The following MFAP4 variants were observed in gnomAD, a reference collection of about 807,000 sequenced individuals.
MFAP4 encodes microfibril associated protein 4.
MFAP4 carries 20 observed loss-of-function variants against 32.4 expected under a neutral mutation model. The ratio of observed to expected loss-of-function variants is 0.62; its 90% CI spans 0.43 to 0.90. The LOEUF (loss-of-function observed/expected upper bound fraction) is 0.90, where lower values mean the gene tolerates loss of function less well. MFAP4 is among the 40% of genes least tolerant of loss of function. The pLI is 0.00. For synonymous variants in MFAP4, 146 were observed against 137.4 expected, an observed-to-expected ratio of 1.06 and a Z score of -0.44; for missense variants, 267 against 329.5, an observed-to-expected ratio of 0.81 and a Z score of 1.47.
intron 3 of MFAP4, among the ~76,000 whole-genome samples, chr17:19,386,015 A>T (rs1361689393): frequency 6.6e-6 from 1 of 152,196 alleles, no homozygotes; most frequent in Non-Finnish European, 1.5e-5. Flanking sequence ...GCTACTCGGG[A>T]GCCTGAGGCA....
rs994482683 is a variant in MFAP4 at position 19,384,230 on chromosome 17, G to A, written c.*232C>T. ...TAGAACCATGTGCCTCTCGGAAGAG[G>A]CCTGGGGAACTGCTGGCAGTGTAAC... is the stretch of plus-strand genomic sequence containing the variant. On this transcript the variant is annotated 3_prime_UTR_variant, in exon 6 of 6. Transcript: ENST00000299610. 22 of 549,110 alleles carry A rather than the reference G, an allele frequency of 4.0e-5. No individual in the cohort carries two copies. The highest frequency in any genetic ancestry group is 4.0e-4 in the African/African-American group (21 of 52,780). The allele number at this position is 549,110 out of a possible 1,614,324, so 34.0% of individuals were successfully genotyped here. A position where few individuals can be genotyped will look rare whatever the true frequency, so the allele number is the denominator to read the frequency against.
Position 19,386,827 on chromosome 17 carries a change from G to A in MFAP4, c.18C>T (p.Ala6=), listed in dbSNP as rs372638718. 54 of 1,563,192 alleles carry A rather than the reference G, an allele frequency of 3.5e-5. No homozygotes were observed. The African/African-American group carries it at 6.4e-4, about 18-fold the overall frequency. Residue 6 remains alanine (A), a synonymous_variant, in exon 2 of 6, where the codon GCC becomes GCT. Transcript: ENST00000299610. Reference sequence around the variant, plus strand: ...TGGAGAGAAGCAGCAGCAGCGGCAGGGCCAGGAGTGCCTGGCGATGGGCAG... The same window carrying A: ...TGGAGAGAAGCAGCAGCAGCGGCAGAGCCAGGAGTGCCTGGCGATGGGCAG... The part of the protein sequence containing the change: MKALL[A]LPLLLLLSTP...
At position 19,385,134 on chromosome 17, in the gene MFAP4, G is replaced by A. The variant is rs756249125; in HGVS notation, c.485C>T (p.Thr162Ile). 2 of 1,614,260 alleles carry A rather than the reference G, an allele frequency of 1.2e-6. No individual in the cohort carries two copies. The highest frequency in any genetic ancestry group is 2.2e-5 in the South Asian group (2 of 91,092). Reference protein sequence around the residue: ...NAVSAEEDGYTLFVAGFEDGG... With the variant: ...NAVSAEEDGYILFVAGFEDGG... ...ATCCTCAAAGCCTGCCACAAAGAGG[G>A]TGTAGCCATCCTCCTCTGCGCTGAC... Residue 162 changes from threonine to isoleucine, a missense_variant, in exon 5 of 6, where the codon ACC becomes ATC. Thr to Ile is a moderately conservative substitution (Grantham distance 89). Transcript: ENST00000299610.
intron 2 of MFAP4, 139 bp from the exon 3 acceptor site, chr17:19,386,603 T>C: frequency 8.1e-7 from 1 of 1,241,322 alleles, no homozygotes; most frequent in South Asian, 1.3e-5. Context: ...TCAAGGGAGA[T>C]GAGCAATGCT....
chr17:19,386,685 G>A (rs1913047823), intron 2 of MFAP4, 75 bp downstream of exon 2: 4 of 1,490,992 alleles, frequency 2.7e-6, no homozygotes, highest in Non-Finnish European at 2.7e-6. Context: ...GGCCCTGACA[G>A]TCTGTTCTGA....
At chr17:19,386,972 T>TTCCC in intron 1 of MFAP4, 134 bp from the exon 2 acceptor site, 1 of 937,014 alleles carries the variant, frequency 1.1e-6, no homozygotes, top group Non-Finnish European at 1.7e-6. Context: ...TGGCCCCTCT[T>TTCCC]CCCTGCCCCC....
At position 19,384,072 on chromosome 17, in the gene MFAP4, A is replaced by G; in HGVS notation, c.*390T>C. 3.4e-6 allele frequency: 1 copy of G among 294,584 alleles called. No individual in the cohort carries two copies. The highest frequency in any genetic ancestry group is 6.7e-6 in the Non-Finnish European group (1 of 149,104). The allele number at this position is 294,584 out of a possible 1,614,324, so 18.2% of individuals were successfully genotyped here. On this transcript the variant is annotated 3_prime_UTR_variant, in exon 6 of 6. Transcript: ENST00000299610. ...AGCTTAGCACACTAGGGTGGCCCAG[A>G]CAGGGGTCCACAGTGAGGAAGCAGG... is the stretch of plus-strand genomic sequence containing the variant.
chr17:19,385,585 G>GT, intron 3 of MFAP4, 131 bp from the exon 4 acceptor site: 7 of 611,400 alleles, frequency 1.1e-5, no homozygotes, highest in Non-Finnish European at 1.8e-5. Flanking sequence ...TGGGGGTGGG[G>GT]AGGGTGGTGG....
chr17:19,386,984 C>CCCCCCCCCCCCCCCCCCCA, intron 1 of MFAP4, 146 bp from the exon 2 acceptor site: 1 of 908,276 alleles, frequency 1.1e-6, no homozygotes, highest in East Asian at 2.7e-5. Context: ...CCTGCCCCCC[C>CCCCCCCCCCCCCCCCCCCA]ACCCCGCCCG....
Position 19,385,348 on chromosome 17 carries a change from C to G in MFAP4, c.337+10G>C. On this transcript the variant is annotated intron_variant, in intron 4 of 5. Transcript: ENST00000299610. ...GGGCAGCCCCTCAGCCCACCTGGTC[C>G]CTGCCTTACCCAGCCAGTACTCTCC... The G allele has an allele frequency of 6.2e-7, 1 of 1,614,222 alleles. No individual in the cohort carries two copies. Among genetic ancestry groups the G allele is most frequent in the Non-Finnish European group, 8.5e-7 (1 of 1,180,030 alleles).
chr17:19,386,972 T>TGCCGGGGGGG, intron 1 of MFAP4, 134 bp from the exon 2 acceptor site: 2 of 937,012 alleles, frequency 2.1e-6, no homozygotes, highest in Non-Finnish European at 3.4e-6. Flanking sequence ...TGGCCCCTCT[T>TGCCGGGGGGG]CCCTGCCCCC....
At chr17:19,386,568 A>AGG in intron 2 of MFAP4, 104 bp from the exon 3 acceptor site, 1 of 1,359,348 alleles carries the variant, frequency 7.4e-7, no homozygotes, top group Non-Finnish European at 1.0e-6. Context: ...GGGGACTTTG[A>AGG]CACAAGGAGT....
At chr17:19,385,906 G>A (rs928553084) in intron 3 of MFAP4, among the ~76,000 whole-genome samples, 2 of 152,206 alleles carry the variant, frequency 1.3e-5, no homozygotes, top group African/African-American at 4.8e-5. Context: ...ATCACCTGAG[G>A]TCAGGAGTTC....
At chr17:19,386,995 C>CCA in intron 1 of MFAP4, 155 bp downstream of exon 1, 1 of 1,164,514 alleles carries the variant, frequency 8.6e-7, no homozygotes, top group Non-Finnish European at 1.2e-6. Flanking sequence ...ACCCCGCCCG[C>CCA]CAAGTAACCC....
intron 2 of MFAP4, 95 bp downstream of exon 2, chr17:19,386,665 G>A (rs1913047095): frequency 7.1e-7 from 1 of 1,404,586 alleles, no homozygotes; most frequent in Non-Finnish European, 9.9e-7. Context: ...GTCCTGCAGA[G>A]CTGGGGCTCG....
At chr17:19,386,996 C>CCCAT in intron 1 of MFAP4, 154 bp downstream of exon 1, 1 of 1,177,472 alleles carries the variant, frequency 8.5e-7, no homozygotes, top group South Asian at 1.3e-5. Context: ...CCCCGCCCGC[C>CCCAT]AAGTAACCCC....
At position 19,386,236 on chromosome 17, in the gene MFAP4, C is replaced by T. The variant is rs558523878; in HGVS notation, c.240+74G>A. The T allele has an allele frequency of 3.5e-5, 47 of 1,341,054 alleles. No individual in the cohort carries two copies. The South Asian group carries it at 5.5e-4, about 16-fold the overall frequency. The allele number at this position is 1,341,054 out of a possible 1,614,324, so 83.1% of individuals were successfully genotyped here. On this transcript the variant is annotated intron_variant, in intron 3 of 5. Coordinates refer to ENST00000299610, the MANE Select transcript of MFAP4 (RefSeq NM_002404.3). Reference sequence around the variant, plus strand: ...TTTTAAAGATGAAGAAACTGAGGTTCGCATATGTGAAGCCCAGGGTCACAG... The same window carrying T: ...TTTTAAAGATGAAGAAACTGAGGTTTGCATATGTGAAGCCCAGGGTCACAG...
Position 19,384,661 on chromosome 17 carries a change from C to T in MFAP4, c.569G>A (p.Arg190Gln), listed in dbSNP as rs774853214. Reference sequence around the variant, plus strand: ...GTTCTGCACAAAGAGGTCCTGGTCCCGGTCGAAGGTAGAGAACTTCTGGCC... The same window carrying T: ...GTTCTGCACAAAGAGGTCCTGGTCCTGGTCGAAGGTAGAGAACTTCTGGCC... ...HSGQKFSTFD[R>Q]DQDLFVQNCA... Residue 190 changes from arginine to glutamine, a missense_variant, in exon 6 of 6, where the codon CGG becomes CAG. Coordinates refer to ENST00000299610, the MANE Select transcript of MFAP4 (RefSeq NM_002404.3). 7.0e-5 allele frequency: 113 copies of T among 1,614,054 alleles called. 1 individual carries two copies. The Admixed American group carries it at 7.2e-4, about 10-fold the overall frequency.
chr17:19,386,965 C>A (rs1327498587), intron 1 of MFAP4, 127 bp from the exon 2 acceptor site: 7 of 1,212,918 alleles, frequency 5.8e-6, no homozygotes, highest in South Asian at 1.3e-5. Context: ...TGCTATTTGG[C>A]CCCTCTTCCC....
Sources: allele counts gnomAD v4.1 joint callset (sites outside exome capture counted in the v4.1 genomes callset), GRCh38; gene constraint gnomAD v4.1.1; transcripts MANE v1.5; gene names NCBI Gene and HGNC (gene_info 2026-07-23, HGNC 2026-07-21).